AGTPBP1: variants seen among roughly 807,000 people sequenced by gnomAD.
AGTPBP1 encodes ATP/GTP binding carboxypeptidase 1.
AGTPBP1 carries 70 observed loss-of-function variants against 143.9 expected under a neutral mutation model. The observed-to-expected ratio is 0.49, with a 90% CI of 0.40 to 0.59. AGTPBP1 has a LOEUF of 0.59. Among genes scored for constraint, AGTPBP1 ranks in the 20% least tolerant of loss-of-function variants. The pLI, the probability that AGTPBP1 is intolerant of heterozygous loss-of-function variation, is 0.00. For synonymous variants in AGTPBP1, 463 were observed against 500.2 expected, an observed-to-expected ratio of 0.93 and a Z score of 0.99; for missense variants, 1,229 against 1,464.5, an observed-to-expected ratio of 0.84 and a Z score of 2.62.
At chr9:85,651,532 G>T (rs1472824942) in intron 11 of AGTPBP1, among the ~76,000 whole-genome samples, 1 of 152,040 alleles carries the variant, frequency 6.6e-6, no homozygotes. Context: ...GTATTATATA[G>T]TTAACAGATT....
intron 17 of AGTPBP1, among the ~76,000 whole-genome samples, chr9:85,607,496 T>G (rs528342307): frequency 6.6e-6 from 1 of 152,202 alleles, no homozygotes; most frequent in East Asian, 1.9e-4. Flanking sequence ...CCTGATATAG[T>G]ATGGAAAGCC....
chr9:85,669,620 G>T, intron 7 of AGTPBP1, 42 bp from the exon 8 acceptor site: 1 of 1,410,088 alleles, frequency 7.1e-7, no homozygotes, highest in South Asian at 1.2e-5. Context: ...TTTAAGGTTT[G>T]ACAACCAAAA....
chr9:85,741,924 TGCG>T lies in AGTPBP1; in HGVS notation c.-186_-184del. On this transcript the variant is annotated 5_prime_UTR_variant, in exon 1 of 26. Coordinates refer to ENST00000357081, the MANE Select transcript of AGTPBP1 (RefSeq NM_001330701.2). ...AGGCGGAGGCGGCGGCGGCGGCAGC[TGCG>T]GCGGCGGCGCTGGAGGCGGCGGAAC... 4 of 1,311,434 alleles carry T rather than the reference TGCG, an allele frequency of 3.1e-6. No homozygotes were observed. Among genetic ancestry groups the T allele is most frequent in the South Asian group, 2.1e-5 (1 of 47,758 alleles). 81.2% of individuals were successfully genotyped at this position (1,311,434 alleles called of 1,614,324 possible).
At chr9:85,580,816 A>T (rs1383621249) in intron 23 of AGTPBP1, among the ~76,000 whole-genome samples, 1 of 152,240 alleles carries the variant, frequency 6.6e-6, no homozygotes, top group Non-Finnish European at 1.5e-5. Flanking sequence ...TGGAAATCTT[A>T]TCTGACTAAA....
At chr9:85,755,452 T>C in the AGTPBP1 span, among the ~76,000 whole-genome samples, 1 of 152,200 alleles carries the variant, frequency 6.6e-6, no homozygotes, top group African/African-American at 2.4e-5. Context: ...TTTTTCTTTT[T>C]TTAAAATAAT....
At chr9:85,783,465 A>C in the AGTPBP1 span, among the ~76,000 whole-genome samples, 1 of 152,132 alleles carries the variant, frequency 6.6e-6, no homozygotes, top group Non-Finnish European at 1.5e-5. Context: ...TATAGCTTAC[A>C]CTATATCCTG....
Position 85,741,918 on chromosome 9 carries a change from G to T in AGTPBP1, c.-177C>A, listed in dbSNP as rs915384448. The stretch of plus-strand genomic sequence containing the variant: ...CAGGCGAGGCGGAGGCGGCGGCGGC[G>T]GCAGCTGCGGCGGCGGCGCTGGAGG... On this transcript the variant is annotated 5_prime_UTR_variant, in exon 1 of 26. Coordinates refer to ENST00000357081, the MANE Select transcript of AGTPBP1 (RefSeq NM_001330701.2). 3.4e-5 allele frequency: 45 copies of T among 1,311,798 alleles called. No individual in the cohort carries two copies. Among genetic ancestry groups the T allele is most frequent in the Non-Finnish European group, 3.2e-5 (33 of 1,032,344 alleles). 81.3% of individuals were successfully genotyped at this position (1,311,798 alleles called of 1,614,324 possible).
chr9:85,669,512 A>C lies in AGTPBP1; in HGVS notation c.635T>G (p.Phe212Cys). ...TATAAGACTGGAATTCTTCTTACTA[A>C]ATGGTCCAATGATTTTAAACATCAG... ...VELMFKIIGP[F>C]SKKNSSLIKV... The change falls in exon 8 of 26, where the codon TTT becomes TGT. Residue 212 changes from phenylalanine (F) to cysteine (C), a missense_variant. Coordinates refer to ENST00000357081, the MANE Select transcript of AGTPBP1 (RefSeq NM_001330701.2). The C allele has an allele frequency of 6.2e-7, 1 of 1,611,104 alleles. No individual in the cohort carries two copies. Among genetic ancestry groups the C allele is most frequent in the Non-Finnish European group, 8.5e-7 (1 of 1,177,756 alleles).
chr9:85,622,075 G>T (rs137961729), intron 14 of AGTPBP1, among the ~76,000 whole-genome samples: 1 of 152,236 alleles, frequency 6.6e-6, no homozygotes, highest in African/African-American at 2.4e-5. Flanking sequence ...TGTAACTCCA[G>T]GTAGACTGGC....
chr9:85,755,832 A>G, the AGTPBP1 span, among the ~76,000 whole-genome samples: 2 of 152,230 alleles, frequency 1.3e-5, no homozygotes, highest in African/African-American at 4.8e-5. Context: ...GTCAGGCTAA[A>G]AAATCCTAGA....
At chr9:85,675,039 G>A (rs1587875130) in intron 6 of AGTPBP1, among the ~76,000 whole-genome samples, 1 of 152,056 alleles carries the variant, frequency 6.6e-6, no homozygotes, top group African/African-American at 2.4e-5. Flanking sequence ...TGGGATTACA[G>A]GTAGGCGCCA....
chr9:85,757,005 G>C, the AGTPBP1 span, among the ~76,000 whole-genome samples: 1 of 149,694 alleles, frequency 6.7e-6, no homozygotes, highest in Non-Finnish European at 1.5e-5. Context: ...TCTTTTTTTT[G>C]GGGGGGTGAA....
At chr9:85,689,278 C>T (rs1835688930) in intron 3 of AGTPBP1, among the ~76,000 whole-genome samples, 1 of 152,066 alleles carries the variant, frequency 6.6e-6, no homozygotes, top group Non-Finnish European at 1.5e-5. Flanking sequence ...GTCTATCTGG[C>T]CCTTCCCAGA....
chr9:85,655,909 G>A (rs1833476307), intron 10 of AGTPBP1, among the ~76,000 whole-genome samples: 1 of 151,934 alleles, frequency 6.6e-6, no homozygotes, highest in Admixed American at 6.6e-5. Flanking sequence ...CTCACTGCAA[G>A]CTCCGCCTCC....
intron 7 of AGTPBP1, among the ~76,000 whole-genome samples, chr9:85,670,172 C>T (rs1019273114): frequency 6.6e-6 from 1 of 151,834 alleles, no homozygotes; most frequent in East Asian, 1.9e-4. Flanking sequence ...ACAAACAGAA[C>T]GAAGACAATG....
chr9:85,590,706 GA>G lies in AGTPBP1; in HGVS notation c.2569-1026del, dbSNP rs368437300. On this transcript the variant is annotated intron_variant, in intron 19 of 25. Coordinates refer to ENST00000357081, the MANE Select transcript of AGTPBP1 (RefSeq NM_001330701.2). ...GGGCAGTGAGGAAAGGTCTTCTACA[GA>G]AAACTACATTTAAATGAAACTCCAA... Among the ~76,000 whole-genome samples the G allele has an allele frequency of 5.1e-4, 78 of 152,256 alleles. 2 individuals are homozygous for G. In the South Asian group the frequency reaches 0.016, roughly 31 times the overall value.
chr9:85,616,163 T>C (rs1055989919), intron 17 of AGTPBP1, among the ~76,000 whole-genome samples: 3 of 151,954 alleles, frequency 2.0e-5, no homozygotes, highest in Non-Finnish European at 4.4e-5. Flanking sequence ...GGATGATGCA[T>C]TGTCAATGGT....
chr9:85,564,523 T>C (rs1826953572), intron 25 of AGTPBP1, among the ~76,000 whole-genome samples: 1 of 152,236 alleles, frequency 6.6e-6, no homozygotes, highest in Non-Finnish European at 1.5e-5. Context: ...ATGACAGTGG[T>C]CCCAATTATA....
intron 1 of AGTPBP1, among the ~76,000 whole-genome samples, chr9:85,732,117 C>G (rs1324457610): frequency 6.6e-6 from 1 of 151,422 alleles, no homozygotes; most frequent in Admixed American, 6.6e-5. Flanking sequence ...TAAACAAAGC[C>G]AAAATTTCTA....
Sources: gnomAD v4.1 joint callset for allele counts (sites outside exome capture counted in the v4.1 genomes callset) on GRCh38, gnomAD v4.1.1 for gene constraint, MANE v1.5 for transcripts, NCBI Gene and HGNC (gene_info 2026-07-23, HGNC 2026-07-21) for gene names.